The following RPH3A variants were observed in gnomAD, a reference collection of about 807,000 sequenced individuals.
RPH3A encodes the protein rabphilin-3A.
A neutral mutation model predicts 102.2 loss-of-function variants in RPH3A; 48 were observed. The observed-to-expected ratio is 0.47, with a 90% CI of 0.37 to 0.60. The LOEUF (loss-of-function observed/expected upper bound fraction) is 0.60, where lower values mean the gene tolerates loss of function less well. RPH3A is among the 20% of genes least tolerant of loss of function. RPH3A has a pLI of 0.00. For synonymous variants in RPH3A, 310 were observed against 324.3 expected (o/e 0.96, Z 0.47); for missense variants, 781 against 910.1 (o/e 0.86, Z 1.83).
chr12:112,737,743 C>A (rs370435474), intron 1 of RPH3A, among the ~76,000 whole-genome samples: 58 of 152,220 alleles, frequency 3.8e-4, no homozygotes, highest in African/African-American at 1.3e-3. Context: ...GGGTTAAGGA[C>A]GTGAAGAAGA....
At chr12:112,691,715 A>T (rs1287151821) in intron 1 of RPH3A, among the ~76,000 whole-genome samples, 1 of 152,236 alleles carries the variant, frequency 6.6e-6, no homozygotes, top group East Asian at 1.9e-4. Context: ...TATTTTGAGA[A>T]TATCTCATTA....
intron 1 of RPH3A, among the ~76,000 whole-genome samples, chr12:112,712,925 C>CT (rs1565856803): frequency 0.026 from 2,489 of 94,366 alleles, 155 homozygotes; most frequent in South Asian, 0.036. Flanking sequence ...CTTCTTCTTC[C>CT]TCTTCTTCTT....
At chr12:112,756,927 C>T (rs1339198036) in intron 1 of RPH3A, among the ~76,000 whole-genome samples, 1 of 152,198 alleles carries the variant, frequency 6.6e-6, no homozygotes, top group Non-Finnish European at 1.5e-5. Flanking sequence ...TTTTTGCCCA[C>T]CTGATGGGGA....
Position 112,752,595 on chromosome 12 carries a change from T to C in RPH3A, c.-139-39548T>C, listed in dbSNP as rs1456108363. Among the ~76,000 whole-genome samples, 10 of 9,342 alleles carry C rather than the reference T, an allele frequency of 1.1e-3. No homozygotes were observed. In the African/African-American group the frequency reaches 0.022, roughly 21 times the overall value. 6.1% of individuals were successfully genotyped at this position (9,342 alleles called of 152,430 possible). A position where few individuals can be genotyped will look rare whatever the true frequency, so the allele number is the denominator to read the frequency against. On this transcript the variant is annotated intron_variant, in intron 1 of 21. Transcript: ENST00000543106. ...ATTACGTTATATGAGCAGGCAAGTC[T>C]TTTTTTTTTTTTTTTTGAGAAGGCA...
chr12:112,811,229 C>T (rs2041569761), intron 2 of RPH3A, among the ~76,000 whole-genome samples: 1 of 152,124 alleles, frequency 6.6e-6, no homozygotes, highest in Admixed American at 6.5e-5. Context: ...AACAGGCTCC[C>T]AATATCTTCA....
intron 2 of RPH3A, among the ~76,000 whole-genome samples, chr12:112,810,539 T>C (rs2041553214): frequency 6.6e-6 from 1 of 152,378 alleles, no homozygotes; most frequent in Non-Finnish European, 1.5e-5. Context: ...ATGTGTTCAC[T>C]CTTGGCAGGT....
intron 4 of RPH3A, 65 bp downstream of exon 4, chr12:112,836,567 C>T: frequency 1.2e-6 from 1 of 802,990 alleles, no homozygotes; most frequent in Non-Finnish European, 1.8e-6. Context: ...TTTCTCTGAT[C>T]AAGGTGGCTT....
intron 1 of RPH3A, among the ~76,000 whole-genome samples, chr12:112,747,037 T>G (rs904091151): frequency 2.6e-5 from 4 of 152,198 alleles, no homozygotes; most frequent in African/African-American, 7.2e-5. Context: ...GGTCTGAGTT[T>G]AAATGTCACC....
At chr12:112,752,471 T>C (rs2040791142) in intron 1 of RPH3A, among the ~76,000 whole-genome samples, 2 of 152,214 alleles carry the variant, frequency 1.3e-5, no homozygotes, top group Admixed American at 6.5e-5. Context: ...GTTTATTTTC[T>C]ATGTATATGC....
At position 112,779,649 on chromosome 12, in the gene RPH3A, G is replaced by A. The variant is rs1435967357; in HGVS notation, c.-139-12494G>A. On this transcript the variant is annotated intron_variant, in intron 1 of 21. Transcript: ENST00000543106. Reference sequence around the variant, plus strand: ...TGATTTATCCAAGGCGGCTTTGCTAGTTAGTGAAGAAGTAGACTCACACTC... The same window carrying A: ...TGATTTATCCAAGGCGGCTTTGCTAATTAGTGAAGAAGTAGACTCACACTC... Among the ~76,000 whole-genome samples, 4 of 152,254 alleles carry A rather than the reference G, an allele frequency of 2.6e-5. No homozygotes were observed. The South Asian group carries it at 6.2e-4, about 24-fold the overall frequency.
intron 1 of RPH3A, among the ~76,000 whole-genome samples, chr12:112,588,353 G>A (rs376342790): frequency 9.5e-4 from 144 of 152,088 alleles, no homozygotes; most frequent in Non-Finnish European, 1.6e-3. Flanking sequence ...CAATCATGGC[G>A]GAAGGTGAAA....
intron 1 of RPH3A, among the ~76,000 whole-genome samples, chr12:112,747,181 T>C (rs896043099): frequency 1.9e-4 from 29 of 152,262 alleles, no homozygotes; most frequent in Middle Eastern, 3.4e-3. Flanking sequence ...AATTCCTATG[T>C]TGAAATTCTA....
intron 1 of RPH3A, among the ~76,000 whole-genome samples, chr12:112,603,449 T>C (rs1400027658): frequency 6.6e-6 from 1 of 152,072 alleles, no homozygotes; most frequent in Non-Finnish European, 1.5e-5. Flanking sequence ...AGCTACTCCA[T>C]AGACAGAGTA....
intron 1 of RPH3A, among the ~76,000 whole-genome samples, chr12:112,775,635 C>T (rs910867151): frequency 6.6e-6 from 1 of 152,036 alleles, no homozygotes; most frequent in East Asian, 1.9e-4. Context: ...AAATAGAAGA[C>T]AGGAAAGGCA....
At chr12:112,769,889 G>A (rs779638031) in intron 1 of RPH3A, among the ~76,000 whole-genome samples, 3 of 152,144 alleles carry the variant, frequency 2.0e-5, no homozygotes, top group Non-Finnish European at 2.9e-5. Context: ...ACTCCCTGGT[G>A]TCCCTGAAGT....
chr12:112,783,949 A>G (rs1056782526), intron 1 of RPH3A, among the ~76,000 whole-genome samples: 1 of 152,178 alleles, frequency 6.6e-6, no homozygotes, highest in South Asian at 2.1e-4. Flanking sequence ...ATTCATTTCC[A>G]GGGAAAAGCA....
At chr12:112,889,866 T>A (rs1290406103) in intron 17 of RPH3A, among the ~76,000 whole-genome samples, 158 bp from the exon 18 acceptor site, 5 of 152,214 alleles carry the variant, frequency 3.3e-5, no homozygotes, top group Non-Finnish European at 7.3e-5. Context: ...TTTATAAATT[T>A]TAGCTAAAAG....
At chr12:112,868,710 C>A in intron 8 of RPH3A, 115 bp downstream of exon 8, 2 of 1,161,242 alleles carry the variant, frequency 1.7e-6, no homozygotes, top group Non-Finnish European at 2.4e-6. Flanking sequence ...GCATGGTCAG[C>A]TTCTGCACTT....
intron 16 of RPH3A, among the ~76,000 whole-genome samples, chr12:112,886,564 C>T (rs997573592): frequency 3.9e-5 from 6 of 152,114 alleles, no homozygotes; most frequent in South Asian, 2.1e-4. Flanking sequence ...CCTGTGCAGC[C>T]AGGTTCCTAA....
Sources: gnomAD v4.1 joint callset for allele counts (sites outside exome capture counted in the v4.1 genomes callset) on GRCh38, gnomAD v4.1.1 for gene constraint, MANE v1.5 for transcripts, NCBI Gene and HGNC (gene_info 2026-07-23, HGNC 2026-07-21) for gene names.